CNGB3: variants seen among roughly 807,000 people sequenced by gnomAD.
CNGB3 encodes the protein cyclic nucleotide gated channel subunit beta 3, also known as cyclic nucleotide-gated channel beta-3.
A neutral mutation model predicts 92.8 loss-of-function variants in CNGB3; 86 were observed. The observed-to-expected ratio is 0.93, with a 90% confidence interval of 0.78 to 1.11. CNGB3 has a LOEUF of 1.11. Among genes scored for constraint, CNGB3 ranks in the 50% least tolerant of loss-of-function variants. The pLI is 0.00. For synonymous variants in CNGB3, 333 were observed against 332.7 expected (o/e 1.00, Z -0.01); for missense variants, 1,026 against 956.8 (o/e 1.07, Z -0.95).
At chr8:86,592,563 G>T (rs1822070287) in intron 15 of CNGB3, among the ~76,000 whole-genome samples, 1 of 152,160 alleles carries the variant, frequency 6.6e-6, no homozygotes, top group South Asian at 2.1e-4. Flanking sequence ...GTGGCACATG[G>T]ATGCAAACCA....
chr8:86,661,832 A>C, intron 6 of CNGB3: 2 of 1,480,860 alleles, frequency 1.4e-6, no homozygotes, highest in Non-Finnish European at 1.9e-6. Context: ...TGTTGTTCTC[A>C]GTATCTTCTG....
chr8:86,659,593 G>T, intron 6 of CNGB3: 1 of 551,142 alleles, frequency 1.8e-6, no homozygotes, highest in South Asian at 1.6e-5. Context: ...AGACAGCAGA[G>T]AGAGCCCACT....
intron 15 of CNGB3, among the ~76,000 whole-genome samples, chr8:86,585,911 C>T (rs529307107): frequency 6.6e-6 from 1 of 152,244 alleles, no homozygotes; most frequent in South Asian, 2.1e-4. Context: ...ATTTCAGATA[C>T]CCAGCTCTCT....
chr8:86,693,429 A>AT (rs1563756684), intron 3 of CNGB3, among the ~76,000 whole-genome samples: 91 of 92,940 alleles, frequency 9.8e-4, no homozygotes, highest in African/African-American at 2.8e-3. Flanking sequence ...TTTTATTATT[A>AT]TTATTATTTA....
chr8:86,702,649 T>C (rs1184007934), intron 3 of CNGB3, among the ~76,000 whole-genome samples: 1 of 152,190 alleles, frequency 6.6e-6, no homozygotes, highest in Non-Finnish European at 1.5e-5. Context: ...AAAACATTTC[T>C]GCTATTTTGG....
Position 86,668,143 on chromosome 8 carries a change from T to C in CNGB3, c.519A>G (p.Val173=). The C allele has an allele frequency of 6.2e-7, 1 of 1,613,978 alleles. No homozygotes were observed. The highest frequency in any genetic ancestry group is 1.1e-5 in the South Asian group (1 of 91,052). Reference sequence around the variant, plus strand: ...CTGTTGGCTTATCATCGCTTTCTTTTACTGGTGGTACAGCCGTGGGCTTTG... The same window carrying C: ...CTGTTGGCTTATCATCGCTTTCTTTCACTGGTGGTACAGCCGTGGGCTTTG... The part of the protein sequence containing the change: ...QTAKPTAVPP[V]KESDDKPTEH... Residue 173 remains valine (V), a synonymous_variant, in exon 5 of 18, where the codon GTA becomes GTG. Coordinates refer to ENST00000320005, the MANE Select transcript of CNGB3 (RefSeq NM_019098.5).
At chr8:86,585,778 A>T (rs138460476) in intron 15 of CNGB3, among the ~76,000 whole-genome samples, 47 of 152,140 alleles carry the variant, frequency 3.1e-4, no homozygotes, top group Non-Finnish European at 5.7e-4. Context: ...CTTGCGATAG[A>T]CACAACAATA....
chr8:86,678,149 G>A (rs1824011581), intron 3 of CNGB3, among the ~76,000 whole-genome samples: 1 of 151,986 alleles, frequency 6.6e-6, no homozygotes, highest in African/African-American at 2.4e-5. Context: ...GCCATGTTTA[G>A]GCAATAATTA....
intron 10 of CNGB3, among the ~76,000 whole-genome samples, chr8:86,634,057 G>A (rs1360327474): frequency 6.6e-6 from 1 of 152,128 alleles, no homozygotes; most frequent in Non-Finnish European, 1.5e-5. Flanking sequence ...GGTCATTACA[G>A]ACCAGATAGG....
chr8:86,654,394 G>T (rs1056834559), intron 6 of CNGB3, among the ~76,000 whole-genome samples: 9 of 152,050 alleles, frequency 5.9e-5, no homozygotes, highest in African/African-American at 2.2e-4. Context: ...ACAGTGCAAA[G>T]GTCACCAATG....
chr8:86,734,291 G>A (rs552483883), intron 2 of CNGB3, among the ~76,000 whole-genome samples: 16 of 152,130 alleles, frequency 1.1e-4, no homozygotes, highest in Non-Finnish European at 2.2e-4. Flanking sequence ...GCAAGGCTGG[G>A]GGCACCTCTG....
At chr8:86,729,374 G>T (rs1235929496) in intron 2 of CNGB3, among the ~76,000 whole-genome samples, 2 of 152,020 alleles carry the variant, frequency 1.3e-5, no homozygotes, top group Non-Finnish European at 2.9e-5. Flanking sequence ...AAGAATTTTT[G>T]TTTATCACCA....
At chr8:86,702,691 C>T (rs887055467) in intron 3 of CNGB3, among the ~76,000 whole-genome samples, 4 of 152,026 alleles carry the variant, frequency 2.6e-5, no homozygotes, top group Admixed American at 2.6e-4. Context: ...TTTTAGTGAG[C>T]ATTTTCTAGG....
chr8:86,590,745 C>T (rs1448491603), intron 15 of CNGB3, among the ~76,000 whole-genome samples: 2 of 144,348 alleles, frequency 1.4e-5, no homozygotes, highest in South Asian at 2.4e-4. Flanking sequence ...GAGGGTAACC[C>T]GACCTTTCTC....
chr8:86,681,728 A>C (rs962812252), intron 3 of CNGB3, among the ~76,000 whole-genome samples: 1 of 152,210 alleles, frequency 6.6e-6, no homozygotes, highest in African/African-American at 2.4e-5. Flanking sequence ...AGATGGAAAA[A>C]AACAACAACC....
chr8:86,638,637 C>A (rs1048673106), intron 10 of CNGB3, among the ~76,000 whole-genome samples: 1 of 152,020 alleles, frequency 6.6e-6, no homozygotes, highest in Admixed American at 6.6e-5. Flanking sequence ...CCTAGTAGCA[C>A]ACAATAGGAA....
chr8:86,614,146 A>G (rs1290321547), intron 13 of CNGB3, among the ~76,000 whole-genome samples: 2 of 151,984 alleles, frequency 1.3e-5, no homozygotes, highest in Non-Finnish European at 2.9e-5. Flanking sequence ...GTCACACTTG[A>G]CAAGGTTTCC....
chr8:86,602,527 C>T (rs528217078), intron 15 of CNGB3, among the ~76,000 whole-genome samples: 7 of 152,218 alleles, frequency 4.6e-5, no homozygotes, highest in East Asian at 1.9e-4. Context: ...CCGTGGAGAC[C>T]CAGGTTTGAA....
intron 13 of CNGB3, among the ~76,000 whole-genome samples, chr8:86,617,390 C>T (rs1220510952): frequency 6.6e-6 from 1 of 152,080 alleles, no homozygotes; most frequent in Non-Finnish European, 1.5e-5. Context: ...GGGCTTTTTC[C>T]ATCTCAGCCT....
Sources: allele counts gnomAD v4.1 joint callset (sites outside exome capture counted in the v4.1 genomes callset), GRCh38; gene constraint gnomAD v4.1.1; transcripts MANE v1.5; gene names NCBI Gene and HGNC (gene_info 2026-07-23, HGNC 2026-07-21).